HAVCR2: variants seen among roughly 807,000 people sequenced by gnomAD.
HAVCR2 encodes the protein T cell immunoglobulin mucin 3.
HAVCR2 carries 13 observed loss-of-function variants against 24.7 expected under a neutral mutation model. The ratio of observed to expected loss-of-function variants is 0.53; its 90% CI spans 0.34 to 0.84. HAVCR2 has a LOEUF of 0.84. Among genes scored for constraint, HAVCR2 ranks in the 40% least tolerant of loss-of-function variants. The probability of loss-of-function intolerance (pLI) is 0.01; values close to 1 mark genes in which losing one functional copy is unlikely to be tolerated. For synonymous variants in HAVCR2, 154 were observed against 143.4 expected (o/e 1.07, Z -0.53); for missense variants, 343 against 371.2 (o/e 0.92, Z 0.62).
At chr5:157,092,690 C>G (rs192852409) in intron 5 of HAVCR2, among the ~76,000 whole-genome samples, 2 of 151,818 alleles carry the variant, frequency 1.3e-5, no homozygotes, top group Admixed American at 1.3e-4. Context: ...AGGTTATCCA[C>G]TCACCTCGGC....
At chr5:157,108,025 TC>T (rs1190691862) in intron 1 of HAVCR2, among the ~76,000 whole-genome samples, 1 of 151,978 alleles carries the variant, frequency 6.6e-6, no homozygotes, top group Non-Finnish European at 1.5e-5. Flanking sequence ...GAGACTTGTC[TC>T]CTCATTTTCC....
intron 1 of HAVCR2, 46 bp from the exon 2 acceptor site, chr5:157,107,008 G>T (rs1012113703): frequency 4.4e-5 from 66 of 1,494,542 alleles, no homozygotes; most frequent in Non-Finnish European, 5.6e-5. Flanking sequence ...GGTGAGTGAG[G>T]TTACTCCATT....
rs117322750 is a variant in HAVCR2 at position 157,097,623 on chromosome 5, G to A, written c.522+1235C>T. ...TTCTAGTGGTTTTTCTTTTATGAGG[G>A]AATTTCGCTCTTGTTGCCCAGGCTG... On this transcript the variant is annotated intron_variant, in intron 4 of 6. Coordinates refer to ENST00000307851, the MANE Select transcript of HAVCR2 (RefSeq NM_032782.5). Among the ~76,000 whole-genome samples, 77 of 151,900 alleles carry A rather than the reference G, an allele frequency of 5.1e-4. 1 individual carries two copies. The East Asian group carries it at 0.014, about 27-fold the overall frequency.
intron 5 of HAVCR2, among the ~76,000 whole-genome samples, chr5:157,091,743 G>A (rs1284289208): frequency 6.6e-6 from 1 of 152,176 alleles, no homozygotes; most frequent in Non-Finnish European, 1.5e-5. Context: ...TAAAAAGAAG[G>A]ATGAAGTCTT....
At chr5:157,098,590 T>A (rs557021319) in intron 4 of HAVCR2, among the ~76,000 whole-genome samples, 71 of 152,176 alleles carry the variant, frequency 4.7e-4, no homozygotes, top group African/African-American at 1.4e-3. Flanking sequence ...AATTGAAGAA[T>A]AAGAGGGACA....
At chr5:157,104,104 C>T (rs945661893) in intron 3 of HAVCR2, among the ~76,000 whole-genome samples, 1 of 152,132 alleles carries the variant, frequency 6.6e-6, no homozygotes, top group Admixed American at 6.6e-5. Flanking sequence ...CAAGAAATAC[C>T]TTAAAATTAA....
At position 157,106,810 on chromosome 5, in the gene HAVCR2, C is replaced by T. The variant is rs755070324; in HGVS notation, c.211G>A (p.Asp71Asn). 13 of 1,614,228 alleles carry T rather than the reference C, an allele frequency of 8.1e-6. No individual in the cohort carries two copies. Among genetic ancestry groups the T allele is most frequent in the South Asian group, 2.2e-5 (2 of 91,090 alleles). ...GTCCAATAATTCACATCCCTTTCAT[C>T]AGTCCTGAGCACCACGTTGCCACAT... Reference protein sequence around the residue: ...FECGNVVLRTDERDVNYWTSR... With the variant: ...FECGNVVLRTNERDVNYWTSR... Residue 71 changes from aspartate (D) to asparagine (N), a missense_variant, in exon 2 of 7, where the codon GAT (aspartate) becomes AAT (asparagine). By Grantham distance (23) the Asp-to-Asn change is conservative. Coordinates refer to ENST00000307851, the MANE Select transcript of HAVCR2 (RefSeq NM_032782.5).
chr5:157,093,437 C>G (rs1483582051), intron 5 of HAVCR2, among the ~76,000 whole-genome samples: 1 of 152,172 alleles, frequency 6.6e-6, no homozygotes, highest in Non-Finnish European at 1.5e-5. Flanking sequence ...GGGGGACCAA[C>G]TCATGTTTTT....
intron 3 of HAVCR2, among the ~76,000 whole-genome samples, chr5:157,100,851 C>A (rs1460012304): frequency 6.6e-6 from 1 of 152,146 alleles, no homozygotes; most frequent in Non-Finnish European, 1.5e-5. Context: ...AATCCCAGCA[C>A]TTTGGGAGGC....
chr5:157,091,167 G>A (rs1381342360), intron 5 of HAVCR2, among the ~76,000 whole-genome samples: 1 of 152,208 alleles, frequency 6.6e-6, no homozygotes, highest in Non-Finnish European at 1.5e-5. Context: ...GTATCAGGCT[G>A]GGAACGGTGG....
chr5:157,096,651 C>T (rs1170933065), intron 4 of HAVCR2, among the ~76,000 whole-genome samples: 1 of 152,012 alleles, frequency 6.6e-6, no homozygotes, highest in Non-Finnish European at 1.5e-5. Flanking sequence ...GTGGCGGGCA[C>T]CTATAGTCCC....
At position 157,107,132 on chromosome 5, in the gene HAVCR2, C is replaced by A. The variant is rs888984021; in HGVS notation, c.59-170G>T. On this transcript the variant is annotated intron_variant, in intron 1 of 6. Transcript: ENST00000307851. Reference sequence around the variant, plus strand: ...TCTCAGATGTGAAGGCCATCAGAATCACTGGGAAGCCTTGCGAAAACACAG... The same window carrying A: ...TCTCAGATGTGAAGGCCATCAGAATAACTGGGAAGCCTTGCGAAAACACAG... The A allele has an allele frequency of 1.8e-5, 11 of 596,606 alleles. No homozygotes were observed. In the South Asian group the frequency reaches 2.6e-4, roughly 14 times the overall value. The allele number at this position is 596,606 out of a possible 1,614,324, so 37.0% of individuals were successfully genotyped here. A position where few individuals can be genotyped will look rare whatever the true frequency, so the allele number is the denominator to read the frequency against.
At chr5:157,104,342 A>C (rs1181767555) in intron 3 of HAVCR2, among the ~76,000 whole-genome samples, 1 of 152,208 alleles carries the variant, frequency 6.6e-6, no homozygotes, top group African/African-American at 2.4e-5. Context: ...ACCAAACATC[A>C]CCAGTCCAGG....
intron 3 of HAVCR2, among the ~76,000 whole-genome samples, chr5:157,102,363 T>G (rs1258204032): frequency 2.6e-5 from 4 of 152,182 alleles, no homozygotes; most frequent in African/African-American, 9.6e-5. Context: ...TGTGAGCCAC[T>G]GTGCCCAGCC....
chr5:157,100,647 G>A (rs557979745), intron 3 of HAVCR2, among the ~76,000 whole-genome samples: 2 of 152,264 alleles, frequency 1.3e-5, no homozygotes, highest in African/African-American at 4.8e-5. Context: ...GTCACCTTCT[G>A]GAAGCCTTAA....
intron 5 of HAVCR2, 106 bp from the exon 6 acceptor site, chr5:157,089,083 C>T (rs1756956205): frequency 1.1e-6 from 1 of 926,248 alleles, no homozygotes; most frequent in African/African-American, 1.7e-5. Flanking sequence ...GAAATCTGGT[C>T]TCATCTCAGA....
chr5:157,107,314 C>T, intron 1 of HAVCR2: 1 of 203,222 alleles, frequency 4.9e-6, no homozygotes, highest in Non-Finnish European at 9.9e-6. Context: ...TGGCCCAATT[C>T]TGTGAACACG....
At chr5:157,087,452 A>G (rs1237796191) in intron 6 of HAVCR2, among the ~76,000 whole-genome samples, 158 bp from the exon 7 acceptor site, 2 of 152,156 alleles carry the variant, frequency 1.3e-5, no homozygotes, top group African/African-American at 4.8e-5. Context: ...TAGCAATAAA[A>G]TACTATGGGG....
At chr5:157,102,532 T>C (rs887337306) in intron 3 of HAVCR2, among the ~76,000 whole-genome samples, 1 of 152,186 alleles carries the variant, frequency 6.6e-6, no homozygotes, top group African/African-American at 2.4e-5. Flanking sequence ...CTATTTTTGG[T>C]TGTTTCAATA....
Sources: gnomAD v4.1 joint callset for allele counts (sites outside exome capture counted in the v4.1 genomes callset) on GRCh38, gnomAD v4.1.1 for gene constraint, MANE v1.5 for transcripts, NCBI Gene and HGNC (gene_info 2026-07-23, HGNC 2026-07-21) for gene names.